The following GALNT13 variants were observed in gnomAD, a reference collection of about 807,000 sequenced individuals.
GALNT13 encodes UDP-GalNAc:polypeptide N-acetylgalactosaminyltransferase 13.
In GALNT13, 28 loss-of-function variants were observed where a neutral mutation model predicts 64.2. The ratio of observed to expected loss-of-function variants is 0.44; its 90% CI spans 0.32 to 0.60. The LOEUF is 0.60. Ranked by LOEUF, GALNT13 falls within the 20% of genes least tolerant of loss-of-function variation. GALNT13 has a pLI of 0.05. For missense variants in GALNT13, 577 were observed against 669.8 expected (o/e 0.86, Z 1.53); for synonymous variants, 214 against 224.6 (o/e 0.95, Z 0.42).
chr2:154,182,753 T>TA (rs1278454594), intron 4 of GALNT13, among the ~76,000 whole-genome samples: 2 of 151,402 alleles, frequency 1.3e-5, no homozygotes, highest in Non-Finnish European at 2.9e-5. Flanking sequence ...CTTTTTAAAA[T>TA]AAGAGTAGGC....
chr2:153,474,887 T>TTG, the GALNT13 span, among the ~76,000 whole-genome samples: 117,083 of 151,380 alleles, frequency 0.77, 46,032 homozygotes, highest in Middle Eastern at 0.89. Context: ...ACCTGCCTGT[T>TTG]AAATTTATGT....
chr2:154,011,718 C>T (rs1696649882), intron 3 of GALNT13, among the ~76,000 whole-genome samples: 1 of 152,078 alleles, frequency 6.6e-6, no homozygotes, highest in Non-Finnish European at 1.5e-5. Context: ...TTGTAGGTCT[C>T]TAAAAACTTG....
At chr2:154,401,578 T>G (rs1264323372) in intron 10 of GALNT13, among the ~76,000 whole-genome samples, 2 of 152,160 alleles carry the variant, frequency 1.3e-5, no homozygotes, top group African/African-American at 4.8e-5. Flanking sequence ...AAGTGAGCTA[T>G]TTTTATTACT....
the GALNT13 span, among the ~76,000 whole-genome samples, chr2:153,773,131 T>C: frequency 6.6e-6 from 1 of 152,230 alleles, no homozygotes; most frequent in Non-Finnish European, 1.5e-5. Flanking sequence ...TGGTATTCCT[T>C]GACCAGGTGG....
chr2:153,283,784 C>G, the GALNT13 span, among the ~76,000 whole-genome samples: 2 of 152,056 alleles, frequency 1.3e-5, no homozygotes, highest in African/African-American at 2.4e-5. Context: ...AAAGTGGGTG[C>G]TCTGAATACT....
At chr2:153,812,751 C>T in the GALNT13 span, among the ~76,000 whole-genome samples, 1 of 152,018 alleles carries the variant, frequency 6.6e-6, no homozygotes, top group Admixed American at 6.6e-5. Context: ...AGAGCTTTTC[C>T]AGCACTGATA....
At chr2:154,324,356 G>A (rs891032316) in intron 9 of GALNT13, among the ~76,000 whole-genome samples, 4 of 151,640 alleles carry the variant, frequency 2.6e-5, no homozygotes, top group Admixed American at 1.3e-4. Flanking sequence ...GTATAATTTT[G>A]TTTTATTATT....
At chr2:154,138,634 G>C (rs1218339003) in intron 3 of GALNT13, among the ~76,000 whole-genome samples, 5 of 149,266 alleles carry the variant, frequency 3.3e-5, no homozygotes, top group Non-Finnish European at 5.9e-5. Flanking sequence ...CATGTCACCT[G>C]TTTATGTTCT....
At chr2:153,476,307 G>A in the GALNT13 span, among the ~76,000 whole-genome samples, 1 of 152,138 alleles carries the variant, frequency 6.6e-6, no homozygotes, top group Non-Finnish European at 1.5e-5. Flanking sequence ...CTGAGTAAAT[G>A]GAACACTTTA....
chr2:153,634,028 G>A, the GALNT13 span, among the ~76,000 whole-genome samples: 28 of 151,930 alleles, frequency 1.8e-4, no homozygotes, highest in African/African-American at 6.0e-4. Flanking sequence ...ATTTTCCATC[G>A]TCTCATTGAA....
the GALNT13 span, among the ~76,000 whole-genome samples, chr2:153,072,229 T>C: frequency 6.6e-6 from 1 of 152,148 alleles, no homozygotes; most frequent in Admixed American, 6.5e-5. Flanking sequence ...CGTGGCTTTG[T>C]GTAAGGGCCA....
At chr2:154,043,429 TATATATATATATATATA>T (rs1468529413) in intron 3 of GALNT13, among the ~76,000 whole-genome samples, 6 of 49,866 alleles carry the variant, frequency 1.2e-4, no homozygotes, top group Non-Finnish European at 1.8e-4. Context: ...TATATATATA[TATATATATATATATATA>T]TATATATATA....
chr2:153,708,479 A>G, the GALNT13 span, among the ~76,000 whole-genome samples: 1 of 152,128 alleles, frequency 6.6e-6, no homozygotes, highest in Non-Finnish European at 1.5e-5. Context: ...ATAGATATGC[A>G]TCTCAAAACC....
At chr2:153,780,035 A>G in the GALNT13 span, among the ~76,000 whole-genome samples, 1 of 151,784 alleles carries the variant, frequency 6.6e-6, no homozygotes. Flanking sequence ...ATCAGAGTCA[A>G]TAATAGCTCG....
the GALNT13 span, among the ~76,000 whole-genome samples, chr2:153,470,155 A>G: frequency 2.0e-5 from 3 of 152,186 alleles, no homozygotes; most frequent in East Asian, 5.8e-4. Flanking sequence ...AGGAAATAAC[A>G]TACTGTCTCT....
chr2:153,478,061 T>C, the GALNT13 span: 8,641 of 610,914 alleles, frequency 0.014, 559 homozygotes, highest in African/African-American at 0.14. Flanking sequence ...CTGCCAGGCA[T>C]GAGGACTTTC....
At chr2:153,530,048 C>G in the GALNT13 span, among the ~76,000 whole-genome samples, 1 of 152,018 alleles carries the variant, frequency 6.6e-6, no homozygotes, top group Non-Finnish European at 1.5e-5. Context: ...GAAGTCCTAG[C>G]TAAAGCAATC....
At chr2:154,054,587 A>G (rs2105353848) in intron 3 of GALNT13, among the ~76,000 whole-genome samples, 1 of 152,168 alleles carries the variant, frequency 6.6e-6, no homozygotes, top group African/African-American at 2.4e-5. Context: ...TGTGTGTGCA[A>G]GTATATGCAC....
the GALNT13 span, among the ~76,000 whole-genome samples, chr2:153,737,738 G>A: frequency 2.0e-5 from 3 of 152,078 alleles, no homozygotes; most frequent in Non-Finnish European, 4.4e-5. Flanking sequence ...CAGAAAACAG[G>A]ACTCAGACTT....
Sources: allele counts gnomAD v4.1 joint callset (sites outside exome capture counted in the v4.1 genomes callset), GRCh38; gene constraint gnomAD v4.1.1; transcripts MANE v1.5; gene names NCBI Gene and HGNC (gene_info 2026-07-23, HGNC 2026-07-21).